SPAG16: variants seen among roughly 807,000 people sequenced by gnomAD.
SPAG16 encodes the protein sperm associated antigen 16.
SPAG16 carries 86 observed loss-of-function variants against 80.4 expected under a neutral mutation model. The observed-to-expected ratio is 1.07, with a 90% CI of 0.90 to 1.28. The LOEUF (loss-of-function observed/expected upper bound fraction) is 1.28. Among genes scored for constraint, SPAG16 ranks in the 50% most tolerant of loss-of-function variants. The pLI is 0.00. For missense variants in SPAG16, 870 were observed against 765.3 expected (o/e 1.14, Z -1.61); for synonymous variants, 294 against 265.9 (o/e 1.11, Z -1.03).
intron 15 of SPAG16, among the ~76,000 whole-genome samples, chr2:214,355,340 A>G (rs531854800): frequency 5.6e-4 from 69 of 123,074 alleles, no homozygotes; most frequent in Admixed American, 4.5e-3. Flanking sequence ...AAAAAAAACA[A>G]CCCCATCAAA....
intron 10 of SPAG16, among the ~76,000 whole-genome samples, chr2:213,612,841 G>A (rs1221288268): frequency 6.6e-6 from 1 of 151,868 alleles, no homozygotes; most frequent in Non-Finnish European, 1.5e-5. Flanking sequence ...CTGCCACCAC[G>A]CCTGGCTAAT....
At chr2:213,986,814 G>A (rs2046027334) in intron 12 of SPAG16, among the ~76,000 whole-genome samples, 1 of 137,972 alleles carries the variant, frequency 7.2e-6, no homozygotes. Flanking sequence ...ATAAAACATA[G>A]TGTAAGTATT....
chr2:214,094,869 CTACG>C (rs1249184841), intron 13 of SPAG16, among the ~76,000 whole-genome samples: 2 of 151,986 alleles, frequency 1.3e-5, no homozygotes, highest in Admixed American at 1.3e-4. Context: ...TACACTTAAA[CTACG>C]TCCCAGGTGC....
intron 13 of SPAG16, 81 bp downstream of exon 13, chr2:214,014,158 T>C: frequency 6.5e-7 from 1 of 1,536,484 alleles, no homozygotes; most frequent in Non-Finnish European, 8.8e-7. Context: ...GGAATATGAC[T>C]TAAAAAGTGA....
intron 10 of SPAG16, among the ~76,000 whole-genome samples, chr2:213,516,194 T>G (rs1456420719): frequency 6.6e-6 from 1 of 152,180 alleles, no homozygotes; most frequent in Non-Finnish European, 1.5e-5. Flanking sequence ...AACCTACATT[T>G]CTTGCATTCT....
intron 10 of SPAG16, among the ~76,000 whole-genome samples, chr2:213,854,910 T>A (rs2075079388): frequency 6.6e-6 from 1 of 152,240 alleles, no homozygotes; most frequent in Admixed American, 6.5e-5. Context: ...TTGGAACACA[T>A]CCTTAATCAT....
Position 213,916,733 on chromosome 2 carries a change from T to A in SPAG16, c.1215-13227T>A, listed in dbSNP as rs74822432. On this transcript the variant is annotated intron_variant, in intron 11 of 15. Coordinates refer to ENST00000331683, the MANE Select transcript of SPAG16 (RefSeq NM_024532.5). ...TGGGTGGACACACAGCCAAACCATA[T>A]CATATAGGTTGTCTGATTACTCTGC... 2.3e-3 allele frequency among the ~76,000 whole-genome samples: 355 copies of A among 152,228 alleles called. 1 individual carries two copies. The highest frequency in any genetic ancestry group is 8.2e-3 in the African/African-American group (339 of 41,534).
intron 12 of SPAG16, among the ~76,000 whole-genome samples, chr2:213,941,955 T>G (rs940419680): frequency 2.0e-5 from 3 of 152,166 alleles, no homozygotes; most frequent in African/African-American, 7.2e-5. Context: ...GCACCATTTC[T>G]TATCTCTCCA....
At chr2:213,874,934 C>T (rs1289839014) in intron 11 of SPAG16, among the ~76,000 whole-genome samples, 1 of 152,008 alleles carries the variant, frequency 6.6e-6, no homozygotes, top group Non-Finnish European at 1.5e-5. Flanking sequence ...TTATTCCTGT[C>T]ATCCTTATAG....
At chr2:213,831,034 C>CTTTTT (rs34523016) in intron 10 of SPAG16, among the ~76,000 whole-genome samples, 32 of 80,804 alleles carry the variant, frequency 4.0e-4, no homozygotes, top group East Asian at 1.1e-3. Context: ...TGAAACATGA[C>CTTTTT]TTTTTTTTTT....
At chr2:213,788,817 T>C (rs1433118905) in intron 10 of SPAG16, among the ~76,000 whole-genome samples, 5 of 151,750 alleles carry the variant, frequency 3.3e-5, no homozygotes, top group Non-Finnish European at 7.4e-5. Flanking sequence ...TTGTTTTTGT[T>C]TGCTTGTTTT....
intron 10 of SPAG16, among the ~76,000 whole-genome samples, chr2:213,612,964 TGCCC>T (rs993108803): frequency 2.0e-5 from 3 of 152,190 alleles, no homozygotes; most frequent in African/African-American, 7.2e-5. Context: ...TGAACCACCG[TGCCC>T]GGCCCGAATA....
intron 10 of SPAG16, among the ~76,000 whole-genome samples, chr2:213,800,343 T>G (rs1365438575): frequency 8.7e-6 from 1 of 114,992 alleles, no homozygotes; most frequent in African/African-American, 3.3e-5. Flanking sequence ...TCTCTCCCTC[T>G]CTCCCTCTCT....
At chr2:214,233,507 A>G (rs1688854663) in intron 15 of SPAG16, among the ~76,000 whole-genome samples, 2 of 152,070 alleles carry the variant, frequency 1.3e-5, no homozygotes, top group African/African-American at 4.8e-5. Context: ...GGACTGCCAT[A>G]GAAGGTACAT....
intron 15 of SPAG16, among the ~76,000 whole-genome samples, chr2:214,169,223 G>A (rs368294298): frequency 1.3e-5 from 2 of 152,020 alleles, no homozygotes; most frequent in East Asian, 1.9e-4. Context: ...TATCTGAGAT[G>A]TAAATTAATG....
chr2:213,452,837 G>C (rs558488072), intron 9 of SPAG16, among the ~76,000 whole-genome samples: 3 of 152,060 alleles, frequency 2.0e-5, no homozygotes, highest in Non-Finnish European at 4.4e-5. Context: ...TTGAAAGATG[G>C]GCTATTGTAT....
At chr2:213,490,794 A>G (rs1462939098) in intron 10 of SPAG16, among the ~76,000 whole-genome samples, 4 of 152,150 alleles carry the variant, frequency 2.6e-5, no homozygotes, top group African/African-American at 9.7e-5. Context: ...ATTTGGTCAT[A>G]GAGTCCCAAA....
intron 10 of SPAG16, among the ~76,000 whole-genome samples, chr2:213,682,337 G>A (rs1402939963): frequency 6.6e-6 from 1 of 152,146 alleles, no homozygotes; most frequent in African/African-American, 2.4e-5. Context: ...AATTAAGTCA[G>A]GTTCTTTTTA....
chr2:214,257,450 C>T (rs572956269), intron 15 of SPAG16, among the ~76,000 whole-genome samples: 1 of 152,030 alleles, frequency 6.6e-6, no homozygotes, highest in South Asian at 2.1e-4. Context: ...TTGCTTTGTT[C>T]CCCATTATAG....
Sources: allele counts gnomAD v4.1 joint callset (sites outside exome capture counted in the v4.1 genomes callset), GRCh38; gene constraint gnomAD v4.1.1; transcripts MANE v1.5; gene names NCBI Gene and HGNC (gene_info 2026-07-23, HGNC 2026-07-21).